The following CHD6 variants were observed in gnomAD, a reference collection of about 807,000 sequenced individuals.
CHD6 encodes the protein chromodomain helicase DNA binding protein 6.
In CHD6, 50 loss-of-function variants were observed where a neutral mutation model predicts 276.9. That is an observed-to-expected ratio of 0.18 (90% CI 0.14 to 0.23). The LOEUF is 0.23. Among genes scored for constraint, CHD6 ranks in the 10% least tolerant of loss-of-function variants. The probability of loss-of-function intolerance (pLI) is 1.00; values close to 1 mark genes in which losing one functional copy is unlikely to be tolerated. For synonymous variants in CHD6, 1,173 were observed against 1,229.3 expected, an observed-to-expected ratio of 0.95 and a Z score of 0.96; for missense variants, 2,564 against 3,365.8, an observed-to-expected ratio of 0.76 and a Z score of 5.89.
At chr20:41,600,912 C>T (rs564956595) in intron 1 of CHD6, among the ~76,000 whole-genome samples, 218 of 152,220 alleles carry the variant, frequency 1.4e-3, no homozygotes, top group Non-Finnish European at 2.4e-3. Flanking sequence ...TACCCAGCCC[C>T]ACTGTTGAGG....
At chr20:41,583,582 G>A (rs1171798000) in intron 1 of CHD6, among the ~76,000 whole-genome samples, 1 of 152,166 alleles carries the variant, frequency 6.6e-6, no homozygotes, top group East Asian at 1.9e-4. Context: ...CCTACATGAA[G>A]AAGTGGATAC....
intron 28 of CHD6, 130 bp from the exon 29 acceptor site, chr20:41,425,524 T>C (rs1395182783): frequency 2.0e-5 from 19 of 955,564 alleles, no homozygotes; most frequent in Non-Finnish European, 2.7e-5. Context: ...GTTTTAATAA[T>C]TGGCCCAGGA....
rs116004829 is a variant in CHD6 at position 41,506,020 on chromosome 20, C to T, written c.853-6663G>A. ...CTAACTCTTCTCTTTCCTTTCCATA[C>T]ACCATATCTGACTGGCCTAGAAATC... On this transcript the variant is annotated intron_variant, in intron 5 of 36. Coordinates refer to ENST00000373233, the MANE Select transcript of CHD6 (RefSeq NM_032221.5). Among the ~76,000 whole-genome samples, 959 of 152,252 alleles carry T rather than the reference C, an allele frequency of 6.3e-3. 10 individuals carry two copies. Among genetic ancestry groups the T allele is most frequent in the Middle Eastern group, 0.024 (7 of 294 alleles).
intron 1 of CHD6, among the ~76,000 whole-genome samples, chr20:41,616,622 A>AT (rs2045936554): frequency 1.3e-5 from 2 of 152,226 alleles, no homozygotes; most frequent in Non-Finnish European, 2.9e-5. Context: ...CCTGGAACAA[A>AT]AATAACTCCA....
At chr20:41,593,157 T>C (rs2045680798) in intron 1 of CHD6, among the ~76,000 whole-genome samples, 1 of 146,718 alleles carries the variant, frequency 6.8e-6, no homozygotes, top group Non-Finnish European at 1.5e-5. Flanking sequence ...TCCAAATGTT[T>C]TGATAAGGAG....
chr20:41,412,281 A>G lies in CHD6; in HGVS notation c.7132-18T>C. ...GAAAAATTCTAGGATGAAAACGGAG[A>G]CCAATATTACAAAACATGCTATCCC... is the stretch of plus-strand genomic sequence containing the variant. On this transcript the variant is annotated intron_variant, in intron 35 of 36. Coordinates refer to ENST00000373233, the MANE Select transcript of CHD6 (RefSeq NM_032221.5). The G allele has an allele frequency of 6.2e-7, 1 of 1,613,610 alleles. No individual in the cohort carries two copies. Among genetic ancestry groups the G allele is most frequent in the Non-Finnish European group, 8.5e-7 (1 of 1,179,694 alleles).
intron 5 of CHD6, among the ~76,000 whole-genome samples, chr20:41,508,337 C>A (rs960558234): frequency 2.0e-5 from 3 of 151,748 alleles, no homozygotes; most frequent in Admixed American, 1.3e-4. Flanking sequence ...AAAAAAAACA[C>A]ACAAAACACA....
At chr20:41,494,782 C>T (rs1184437322) in intron 8 of CHD6, among the ~76,000 whole-genome samples, 1 of 152,188 alleles carries the variant, frequency 6.6e-6, no homozygotes. Flanking sequence ...ATACTTTTTA[C>T]AACATCCCTG....
intron 5 of CHD6, among the ~76,000 whole-genome samples, chr20:41,500,748 T>C (rs141206603): frequency 5.8e-4 from 88 of 152,220 alleles, no homozygotes; most frequent in African/African-American, 2.0e-3. Context: ...GGATCCTTGT[T>C]TTATATACCG....
At chr20:41,609,501 A>G (rs970426395) in intron 1 of CHD6, among the ~76,000 whole-genome samples, 1 of 152,194 alleles carries the variant, frequency 6.6e-6, no homozygotes, top group Non-Finnish European at 1.5e-5. Context: ...AACAGTGCTG[A>G]TCTGTAATGA....
At chr20:41,450,888 G>GCAT in intron 23 of CHD6, 58 bp downstream of exon 23, 1 of 1,513,958 alleles carries the variant, frequency 6.6e-7, no homozygotes, top group Non-Finnish European at 9.1e-7. Flanking sequence ...GGGGTTCCCA[G>GCAT]GAATCGAAGC....
rs1177342581 is a variant in CHD6, at chr20:41,463,324, TAATC to T, written c.2665-5900_2665-5897del. On this transcript the variant is annotated intron_variant, in intron 17 of 36. Coordinates refer to ENST00000373233, the MANE Select transcript of CHD6 (RefSeq NM_032221.5). ...TAGTGATGACTGATTCAGCCAAAAATAATCAATGGATGCTAAAACCAATGGGTGA... is the reference window on the plus strand; with the variant it reads ...TAGTGATGACTGATTCAGCCAAAAATAATGGATGCTAAAACCAATGGGTGA... Among the ~76,000 whole-genome samples, 11 of 152,286 alleles carry T rather than the reference TAATC, an allele frequency of 7.2e-5. No homozygotes were observed. The East Asian group carries it at 2.1e-3, about 29-fold the overall frequency.
intron 29 of CHD6, 113 bp downstream of exon 29, chr20:41,425,065 C>T (rs2047317045): frequency 2.6e-6 from 2 of 783,462 alleles, no homozygotes; most frequent in South Asian, 3.4e-5. Context: ...CTGGAGACAA[C>T]CTAACTTCAC....
At chr20:41,588,892 G>A (rs1386638434) in intron 1 of CHD6, among the ~76,000 whole-genome samples, 2 of 152,066 alleles carry the variant, frequency 1.3e-5, no homozygotes, top group African/African-American at 4.8e-5. Flanking sequence ...TCTTAAGAAA[G>A]CCAGGAAAAG....
intron 23 of CHD6, 108 bp downstream of exon 23, chr20:41,450,838 T>C (rs1259016624): frequency 2.9e-6 from 3 of 1,017,974 alleles, no homozygotes; most frequent in Non-Finnish European, 4.4e-6. Flanking sequence ...TTCTAGACCT[T>C]GCACAGAAGT....
chr20:41,416,776 G>A lies in CHD6; in HGVS notation c.6298C>T (p.Arg2100Cys), dbSNP rs1453971158. The A allele has an allele frequency of 1.3e-6, 2 of 1,589,962 alleles. No individual in the cohort carries two copies. Among genetic ancestry groups the A allele is most frequent in the Non-Finnish European group, 8.6e-7 (1 of 1,165,782 alleles). Residue 2100 changes from arginine to cysteine, a missense_variant, in exon 33 of 37, where the codon CGC (arginine) becomes TGC (cysteine). By Grantham distance (180) the Arg-to-Cys change is radical. Transcript: ENST00000373233. Reference protein sequence around the residue: ...EWPKDRVIINRLDNICHVVLK... With the variant: ...EWPKDRVIINCLDNICHVVLK... Reference sequence around the variant, plus strand: ...ACCACGTGGCAGATATTATCTAGGCGGTTAATTATCACGCGGTCCTAGAAA... The same window carrying A: ...ACCACGTGGCAGATATTATCTAGGCAGTTAATTATCACGCGGTCCTAGAAA...
intron 36 of CHD6, among the ~76,000 whole-genome samples, chr20:41,406,502 G>A (rs987027756): frequency 6.6e-6 from 1 of 152,224 alleles, no homozygotes; most frequent in Non-Finnish European, 1.5e-5. Context: ...CACGTGGAAA[G>A]GAAGGCGCAG....
intron 26 of CHD6, among the ~76,000 whole-genome samples, chr20:41,438,813 T>C (rs917355342): frequency 6.6e-6 from 1 of 152,148 alleles, no homozygotes; most frequent in Non-Finnish European, 1.5e-5. Flanking sequence ...TCACCAGTCA[T>C]ATGGGCCTCT....
intron 1 of CHD6, among the ~76,000 whole-genome samples, chr20:41,555,435 G>C (rs1421980165): frequency 2.0e-5 from 3 of 150,132 alleles, no homozygotes; most frequent in Non-Finnish European, 3.0e-5. Flanking sequence ...CCTCCCGGAC[G>C]GGGTGGCTGC....
Sources: gnomAD v4.1 joint callset for allele counts (sites outside exome capture counted in the v4.1 genomes callset) on GRCh38, gnomAD v4.1.1 for gene constraint, MANE v1.5 for transcripts, NCBI Gene and HGNC (gene_info 2026-07-23, HGNC 2026-07-21) for gene names.